Variants in SNX25 observed in about 807,000 individuals in gnomAD.
The protein encoded by SNX25 is sorting nexin-25.
SNX25 carries 62 observed loss-of-function variants against 113.7 expected under a neutral mutation model. The observed-to-expected ratio is 0.55, with a 90% confidence interval of 0.44 to 0.67. SNX25 has a LOEUF of 0.67. Among genes scored for constraint, SNX25 ranks in the 30% least tolerant of loss-of-function variants. The pLI is 0.00. For missense variants in SNX25, 1,014 were observed against 1,161.0 expected (o/e 0.87, Z 1.84); for synonymous variants, 421 against 436.2 (o/e 0.97, Z 0.43).
intron 1 of SNX25, among the ~76,000 whole-genome samples, chr4:185,243,853 TA>T (rs1432884452): frequency 2.0e-5 from 3 of 152,070 alleles, no homozygotes; most frequent in Non-Finnish European, 4.4e-5. Context: ...AAAATAAGAA[TA>T]AAAAATTAAA....
intron 1 of SNX25, among the ~76,000 whole-genome samples, chr4:185,241,735 A>T (rs893112695): frequency 6.6e-6 from 1 of 152,148 alleles, no homozygotes; most frequent in Non-Finnish European, 1.5e-5. Flanking sequence ...GAAGATTATC[A>T]GTTATCCTTT....
In SNX25 at chr4:185,363,680, ATACTT is replaced by A. The variant is rs1023357531; in HGVS notation, c.*218_*222del. 5 of 437,522 alleles carry A rather than the reference ATACTT, an allele frequency of 1.1e-5. No individual in the cohort carries two copies. The highest frequency in any genetic ancestry group is 1.6e-5 in the Non-Finnish European group (4 of 244,030). 27.1% of individuals were successfully genotyped at this position (437,522 alleles called of 1,614,324 possible). A position where few individuals can be genotyped will look rare whatever the true frequency, so the allele number is the denominator to read the frequency against. On this transcript the variant is annotated 3_prime_UTR_variant, in exon 19 of 19. Coordinates refer to ENST00000652585, the MANE Select transcript of SNX25 (RefSeq NM_001378034.2). The surrounding 1 kb of genome is among the most constrained non-coding windows in gnomAD (Gnocchi z 4.2). ...TTCTATTGATTTTAATTTAATATGA[ATACTT>A]TAAAGATCAACATACCGATTGAAAT... is the stretch of plus-strand genomic sequence containing the variant.
intron 3 of SNX25, among the ~76,000 whole-genome samples, chr4:185,261,185 T>C (rs60129514): frequency 0.34 from 51,191 of 151,214 alleles, 10,475 homozygotes; most frequent in East Asian, 0.56. Context: ...TTTTTATTTT[T>C]ATTTTTATTT....
intron 11 of SNX25, among the ~76,000 whole-genome samples, chr4:185,369,102 T>A (rs2095404932): frequency 6.6e-6 from 1 of 150,822 alleles, no homozygotes; most frequent in African/African-American, 2.4e-5. Flanking sequence ...ACTTTTTTTG[T>A]TGTTCTAGTC....
chr4:185,319,946 G>A (rs1247224824), intron 7 of SNX25, among the ~76,000 whole-genome samples: 3 of 152,194 alleles, frequency 2.0e-5, no homozygotes, highest in Non-Finnish European at 2.9e-5. Context: ...ATGCCAGTCA[G>A]AATGGCAATT....
intron 5 of SNX25, among the ~76,000 whole-genome samples, 157 bp from the exon 6 acceptor site, chr4:185,287,855 T>G (rs1057356209): frequency 2.0e-5 from 3 of 152,198 alleles, no homozygotes; most frequent in African/African-American, 7.2e-5. Flanking sequence ...CGGCCTATTG[T>G]AGATGCTCGG....
chr4:185,349,073 A>G (rs1020438142), intron 13 of SNX25, among the ~76,000 whole-genome samples: 3 of 152,160 alleles, frequency 2.0e-5, no homozygotes. Context: ...TCCATCATGT[A>G]TATCGGGGGG....
At chr4:185,267,267 T>G in intron 5 of SNX25, 112 bp downstream of exon 5, 2 of 1,029,224 alleles carry the variant, frequency 1.9e-6, no homozygotes, top group Non-Finnish European at 2.9e-6. Context: ...AAAACAAGTC[T>G]ATAAATCTTA....
intron 1 of SNX25, among the ~76,000 whole-genome samples, chr4:185,221,610 GA>G (rs894073759): frequency 1.3e-5 from 2 of 151,910 alleles, no homozygotes; most frequent in African/African-American, 4.8e-5. Context: ...TGATTCTTTT[GA>G]AAATGCAAGC....
chr4:185,282,003 G>A (rs1312033977), intron 5 of SNX25, among the ~76,000 whole-genome samples: 1 of 152,050 alleles, frequency 6.6e-6, no homozygotes, highest in Non-Finnish European at 1.5e-5. Flanking sequence ...GCAACAGAGC[G>A]AGACTCCATC....
chr4:185,271,434 C>T (rs968039242), intron 5 of SNX25, among the ~76,000 whole-genome samples: 6 of 152,172 alleles, frequency 3.9e-5, no homozygotes, highest in South Asian at 2.1e-4. Flanking sequence ...CACGCCAGCA[C>T]GCCTAATTTT....
intron 2 of SNX25, among the ~76,000 whole-genome samples, chr4:185,254,421 C>T (rs1321691357): frequency 1.3e-5 from 2 of 152,168 alleles, no homozygotes; most frequent in African/African-American, 4.8e-5. Flanking sequence ...CGTGGACTTT[C>T]ATGATCATGG....
chr4:185,302,563 A>C (rs534869719), intron 6 of SNX25, among the ~76,000 whole-genome samples: 1 of 152,200 alleles, frequency 6.6e-6, no homozygotes, highest in Non-Finnish European at 1.5e-5. Context: ...CAAAGGAAAA[A>C]TGCAGTTGGA....
intron 3 of SNX25, among the ~76,000 whole-genome samples, chr4:185,263,719 T>A (rs1248613791): frequency 2.0e-5 from 3 of 152,226 alleles, no homozygotes; most frequent in Non-Finnish European, 4.4e-5. Flanking sequence ...TGTAAAAATC[T>A]CTTATACTTT....
chr4:185,262,154 A>G (rs1747419362), intron 3 of SNX25, among the ~76,000 whole-genome samples: 1 of 152,192 alleles, frequency 6.6e-6, no homozygotes, highest in Non-Finnish European at 1.5e-5. Flanking sequence ...AGAATAATAA[A>G]TTGCCTTAAT....
chr4:185,223,116 C>T (rs1315532450), intron 1 of SNX25, among the ~76,000 whole-genome samples: 2 of 152,110 alleles, frequency 1.3e-5, no homozygotes, highest in East Asian at 3.9e-4. Flanking sequence ...CCAGAAACCC[C>T]ATACACCCCT....
At position 185,240,345 on chromosome 4, in the gene SNX25, G is replaced by A. The variant is rs557417598; in HGVS notation, c.430-6949G>A. Reference sequence around the variant, plus strand: ...TCCTCACTTCCCAGTAGGGGCGGCCGGGCAGAGGCGCCTCTCACCTCCCGG... The same window carrying A: ...TCCTCACTTCCCAGTAGGGGCGGCCAGGCAGAGGCGCCTCTCACCTCCCGG... On this transcript the variant is annotated intron_variant, in intron 1 of 18. Transcript: ENST00000652585. 1.3e-4 allele frequency among the ~76,000 whole-genome samples: 19 copies of A among 151,578 alleles called. No individual in the cohort carries two copies. In the South Asian group the frequency reaches 1.7e-3, roughly 13 times the overall value.
At chr4:185,270,010 A>G (rs1225546503) in intron 5 of SNX25, among the ~76,000 whole-genome samples, 1 of 151,914 alleles carries the variant, frequency 6.6e-6, no homozygotes, top group African/African-American at 2.4e-5. Context: ...TTCAAAATGT[A>G]CCAGCCAAAG....
intron 4 of SNX25, among the ~76,000 whole-genome samples, chr4:185,266,405 G>A (rs1430897796): frequency 2.6e-5 from 4 of 152,194 alleles, no homozygotes; most frequent in African/African-American, 9.7e-5. Flanking sequence ...CTGTCGCCAA[G>A]GCTGGAGTGC....
Sources: gnomAD v4.1 joint callset for allele counts (sites outside exome capture counted in the v4.1 genomes callset) on GRCh38, gnomAD v4.1.1 for gene constraint, Gnocchi (gnomAD v3.1) non-coding constraint, MANE v1.5 for transcripts, NCBI Gene and HGNC (gene_info 2026-07-23, HGNC 2026-07-21) for gene names.